NRL: variants seen among roughly 807,000 people sequenced by gnomAD.
NRL encodes neural retina leucine zipper.
Under a neutral mutation model 12.5 loss-of-function variants are expected in NRL, and 16 were observed. That is an observed-to-expected ratio of 1.28 (90% CI 0.87 to 1.95). The LOEUF (loss-of-function observed/expected upper bound fraction) is 1.95, where lower values mean the gene tolerates loss of function less well. NRL is among the 30% of genes most tolerant of loss of function. The probability of loss-of-function intolerance (pLI) is 0.00; values close to 1 mark genes in which losing one functional copy is unlikely to be tolerated. For synonymous variants in NRL, 142 were observed against 150.9 expected, an observed-to-expected ratio of 0.94 and a Z score of 0.43; for missense variants, 314 against 325.8, an observed-to-expected ratio of 0.96 and a Z score of 0.28.
chr14:24,098,335 C>A, intron 1 of NRL: 1 of 1,613,854 alleles, frequency 6.2e-7, no homozygotes. Context: ...ACTGGATGTC[C>A]CCAGCTGATT....
intron 1 of NRL, among the ~76,000 whole-genome samples, chr14:24,088,011 G>C (rs1278252388): frequency 6.6e-6 from 1 of 152,058 alleles, no homozygotes; most frequent in Non-Finnish European, 1.5e-5. Flanking sequence ...TTTGGAGACA[G>C]AAAGAAACCC....
intron 1 of NRL, among the ~76,000 whole-genome samples, chr14:24,086,878 G>C (rs1218204412): frequency 6.6e-6 from 1 of 152,232 alleles, no homozygotes; most frequent in East Asian, 1.9e-4. Flanking sequence ...GGGGGAGTGA[G>C]GGTTGGGCCC....
chr14:24,103,193 G>A lies in NRL; in HGVS notation c.-28+11529C>T, dbSNP rs201340475. The A allele has an allele frequency of 1.1e-4, 181 of 1,613,944 alleles. No individual in the cohort carries two copies. Among genetic ancestry groups the A allele is most frequent in the Middle Eastern group, 4.9e-4 (3 of 6,084 alleles). ...CTGGTATACGAGGCCTTCAACTGGCGTCATGGGGTGTTTGTGGGCAGCGCC... is the reference window on the plus strand; with the variant it reads ...CTGGTATACGAGGCCTTCAACTGGCATCATGGGGTGTTTGTGGGCAGCGCC... On this transcript the variant is annotated intron_variant, in intron 1 of 2. Coordinates refer to ENST00000561028, the MANE Select transcript of NRL (RefSeq NM_001354768.3).
chr14:24,082,652 C>A lies in NRL; in HGVS notation c.197G>T (p.Arg66Leu), dbSNP rs765131883. 1.1e-5 allele frequency: 17 copies of A among 1,613,902 alleles called. No individual in the cohort carries two copies. The highest frequency in any genetic ancestry group is 1.4e-5 in the Non-Finnish European group (17 of 1,180,016). Residue 66 changes from arginine (R) to leucine (L), a missense_variant, in exon 2 of 3, where the codon CGG (arginine) becomes CTG (leucine). Arg to Leu is a moderately radical substitution (Grantham distance 102). Coordinates refer to ENST00000561028, the MANE Select transcript of NRL (RefSeq NM_001354768.3). ...PGMVGATEGT[R>L]PGLEELYWLA... is the part of the protein sequence containing the mutation. ...CCAGTACAGCTCCTCCAGGCCTGGCCGGGTGCCCTCGGTTGCCCCCACCAT... is the reference window on the plus strand; with the variant it reads ...CCAGTACAGCTCCTCCAGGCCTGGCAGGGTGCCCTCGGTTGCCCCCACCAT...
At position 24,079,996 on chromosome 14, in the gene NRL, G is replaced by A. The variant is rs2036231850; in HGVS notation, c.*1240C>T. 1.3e-5 allele frequency: 2 copies of A among 152,164 alleles called. No homozygotes were observed. Among genetic ancestry groups the A allele is most frequent in the Admixed American group, 1.3e-4 (2 of 15,260 alleles). 9.4% of individuals were successfully genotyped at this position (152,164 alleles called of 1,614,324 possible). A position where few individuals can be genotyped will look rare whatever the true frequency, so the allele number is the denominator to read the frequency against. On this transcript the variant is annotated 3_prime_UTR_variant, in exon 3 of 3. Transcript: ENST00000561028. ...CCATTTCCATTGGCTCTCCATAACAGATGTGCCACCCAGCTCCAGGTGGGG... is the reference window on the plus strand; with the variant it reads ...CCATTTCCATTGGCTCTCCATAACAAATGTGCCACCCAGCTCCAGGTGGGG...
chr14:24,093,663 A>G (rs1321897471), intron 1 of NRL, among the ~76,000 whole-genome samples: 1 of 152,176 alleles, frequency 6.6e-6, no homozygotes, highest in African/African-American at 2.4e-5. Flanking sequence ...AGCCTGGGTG[A>G]CAGAGTAAGA....
In NRL at chr14:24,081,745, G is replaced by C; in HGVS notation, c.382-177C>G. Reference sequence around the variant, plus strand: ...TCCAGAGCCCGCCCCAGGCCCCGACGCTCCCCGGGCCCCCCAGCTGACCGT... The same window carrying C: ...TCCAGAGCCCGCCCCAGGCCCCGACCCTCCCCGGGCCCCCCAGCTGACCGT... On this transcript the variant is annotated intron_variant, in intron 2 of 2. Transcript: ENST00000561028. The surrounding 1 kb of genome is among the most constrained non-coding windows in gnomAD (Gnocchi z 4.4). 2.6e-6 allele frequency: 4 copies of C among 1,520,796 alleles called. No individual in the cohort carries two copies. Among genetic ancestry groups the C allele is most frequent in the Non-Finnish European group, 3.5e-6 (4 of 1,140,240 alleles). The allele number at this position is 1,520,796 out of a possible 1,614,324, so 94.2% of individuals were successfully genotyped here. A position where few individuals can be genotyped will look rare whatever the true frequency, so the allele number is the denominator to read the frequency against.
chr14:24,110,398 C>T (rs928630272), intron 1 of NRL: 25 of 310,418 alleles, frequency 8.1e-5, no homozygotes, highest in African/African-American at 5.4e-4. Context: ...TGTGAGCTAC[C>T]ACGCCTATTA....
intron 1 of NRL, among the ~76,000 whole-genome samples, chr14:24,111,017 C>G (rs1369075036): frequency 6.6e-6 from 1 of 152,354 alleles, no homozygotes; most frequent in Admixed American, 6.5e-5. Flanking sequence ...GTCTTTAGCT[C>G]TATCCCCAGG....
intron 1 of NRL, chr14:24,099,604 C>A (rs375985792): frequency 2.7e-5 from 44 of 1,612,372 alleles, no homozygotes; most frequent in Admixed American, 5.0e-5. Context: ...TATGTGGCAG[C>A]CGCCTTCCCT....
chr14:24,090,622 C>A (rs1248585511), intron 1 of NRL, among the ~76,000 whole-genome samples: 1 of 152,290 alleles, frequency 6.6e-6, no homozygotes, highest in African/African-American at 2.4e-5. Context: ...GGGCTACACA[C>A]CACAGCATCA....
chr14:24,100,438 T>C, intron 1 of NRL: 1 of 1,019,372 alleles, frequency 9.8e-7, no homozygotes, highest in South Asian at 1.9e-5. Flanking sequence ...TAAGCTTTAG[T>C]TTCCACATCA....
At chr14:24,102,903 T>C in intron 1 of NRL, 1 of 1,611,058 alleles carries the variant, frequency 6.2e-7, no homozygotes, top group Non-Finnish European at 8.5e-7. Context: ...AAACAACATA[T>C]GAGCTCCATG....
At chr14:24,113,660 C>T (rs2139001677) in intron 1 of NRL, among the ~76,000 whole-genome samples, 1 of 152,332 alleles carries the variant, frequency 6.6e-6, no homozygotes, top group Non-Finnish European at 1.5e-5. Flanking sequence ...TTAAACCAAA[C>T]ATTCAGGACC....
At chr14:24,084,671 A>G in intron 1 of NRL, 13 of 985,478 alleles carry the variant, frequency 1.3e-5, no homozygotes, top group Non-Finnish European at 1.4e-5. Flanking sequence ...TTAAAGGGCC[A>G]GCTCTCTGAG....
chr14:24,081,739 C>A lies in NRL; in HGVS notation c.382-171G>T, dbSNP rs1233743246. The A allele has an allele frequency of 2.6e-6, 4 of 1,520,984 alleles. No individual in the cohort carries two copies. The East Asian group carries it at 9.9e-5, about 38-fold the overall frequency. The allele number at this position is 1,520,984 out of a possible 1,614,324, so 94.2% of individuals were successfully genotyped here. Reference sequence around the variant, plus strand: ...TTTCGGTCCAGAGCCCGCCCCAGGCCCCGACGCTCCCCGGGCCCCCCAGCT... The same window carrying A: ...TTTCGGTCCAGAGCCCGCCCCAGGCACCGACGCTCCCCGGGCCCCCCAGCT... On this transcript the variant is annotated intron_variant, in intron 2 of 2. Coordinates refer to ENST00000561028, the MANE Select transcript of NRL (RefSeq NM_001354768.3). This position sits in a 1 kb window ranked among gnomAD's most constrained non-coding sequence, Gnocchi z 4.4.
Position 24,082,662 on chromosome 14 carries a change from C to T in NRL, c.187G>A (p.Glu63Lys), listed in dbSNP as rs147620225. 712 of 1,613,932 alleles carry T rather than the reference C, an allele frequency of 4.4e-4. 1 individual carries two copies. The highest frequency in any genetic ancestry group is 5.7e-4 in the Non-Finnish European group (674 of 1,180,018). The change falls in exon 2 of 3, where the codon GAG becomes AAG. Residue 63 changes from glutamate to lysine, a missense_variant. Transcript: ENST00000561028. ...TCCTCCAGGCCTGGCCGGGTGCCCT[C>T]GGTTGCCCCCACCATGCCTGGTTCA... ...FSEPGMVGATEGTRPGLEELY... is the reference protein window; with the variant it reads ...FSEPGMVGATKGTRPGLEELY...
At chr14:24,097,389 GAAAAAA>G (rs529973280) in intron 1 of NRL, among the ~76,000 whole-genome samples, 1 of 118,700 alleles carries the variant, frequency 8.4e-6, no homozygotes, top group Non-Finnish European at 1.8e-5. Flanking sequence ...CGTCTCTACT[GAAAAAA>G]AAAAAAAAAA....
chr14:24,091,120 TGTGTG>T (rs2036618206), intron 1 of NRL, among the ~76,000 whole-genome samples: 1 of 3,234 alleles, frequency 3.1e-4, no homozygotes. Context: ...AGAAAAGGCC[TGTGTG>T]TGTGTGTGTG....
Sources: allele counts gnomAD v4.1 joint callset (sites outside exome capture counted in the v4.1 genomes callset), GRCh38; gene constraint gnomAD v4.1.1; non-coding constraint Gnocchi (gnomAD v3.1); transcripts MANE v1.5; gene names NCBI Gene and HGNC (gene_info 2026-07-23, HGNC 2026-07-21).